Variants in PDE4D observed in about 807,000 individuals in gnomAD.
PDE4D encodes the protein 3',5'-cyclic-AMP phosphodiesterase 4D.
PDE4D carries 24 observed loss-of-function variants against 87.4 expected under a neutral mutation model. The ratio of observed to expected loss-of-function variants is 0.27; its 90% confidence interval spans 0.20 to 0.39. The LOEUF is 0.39. PDE4D is among the 10% of genes least tolerant of loss of function. PDE4D has a pLI of 1.00. For synonymous variants in PDE4D, 384 were observed against 383.2 expected (o/e 1.00, Z -0.02); for missense variants, 714 against 1,041.0 (o/e 0.69, Z 4.32).
At chr5:59,095,470 C>T (rs1769534722) in intron 5 of PDE4D, among the ~76,000 whole-genome samples, 1 of 151,906 alleles carries the variant, frequency 6.6e-6, no homozygotes, top group Non-Finnish European at 1.5e-5. Context: ...ATATTAAATG[C>T]CTAAAGGTTA....
intron 1 of PDE4D, among the ~76,000 whole-genome samples, chr5:60,466,378 A>G (rs1022072011): frequency 1.3e-5 from 2 of 152,166 alleles, no homozygotes; most frequent in Non-Finnish European, 2.9e-5. Context: ...TGATATCACA[A>G]TTGGCATTTC....
chr5:59,891,408 A>G (rs1750933134), intron 1 of PDE4D, among the ~76,000 whole-genome samples: 2 of 152,168 alleles, frequency 1.3e-5, no homozygotes, highest in Non-Finnish European at 2.9e-5. Flanking sequence ...TTTTTCTATT[A>G]ATAGGTCAAA....
chr5:58,999,310 T>C (rs546653730), intron 6 of PDE4D, among the ~76,000 whole-genome samples: 1 of 152,254 alleles, frequency 6.6e-6, no homozygotes, highest in Admixed American at 6.5e-5. Flanking sequence ...ACACTCAAAC[T>C]ACAACTGATG....
chr5:59,944,605 T>C (rs879467034), intron 3 of PDE4D, among the ~76,000 whole-genome samples: 5 of 152,010 alleles, frequency 3.3e-5, no homozygotes, highest in Non-Finnish European at 7.4e-5. Flanking sequence ...TCTCCTGACC[T>C]CATGATCTGC....
chr5:60,349,245 C>T (rs974522234), intron 1 of PDE4D, among the ~76,000 whole-genome samples: 4 of 151,866 alleles, frequency 2.6e-5, no homozygotes, highest in Non-Finnish European at 5.9e-5. Context: ...TGGATATTTT[C>T]GTATTAAATA....
At chr5:59,432,511 C>G (rs1582577300) in intron 1 of PDE4D, among the ~76,000 whole-genome samples, 1 of 151,966 alleles carries the variant, frequency 6.6e-6, no homozygotes, top group Admixed American at 6.6e-5. Flanking sequence ...GAACATTTTT[C>G]CCTTTAATAG....
At chr5:60,058,878 C>A (rs182123466) in intron 2 of PDE4D, among the ~76,000 whole-genome samples, 4 of 151,970 alleles carry the variant, frequency 2.6e-5, no homozygotes, top group African/African-American at 9.6e-5. Flanking sequence ...AATCCCAAAT[C>A]ACAGTTATTC....
At chr5:59,371,415 C>G (rs184049432) in intron 1 of PDE4D, among the ~76,000 whole-genome samples, 35 of 152,250 alleles carry the variant, frequency 2.3e-4, no homozygotes, top group Admixed American at 2.2e-3. Flanking sequence ...GTGAACTTTC[C>G]CCCACTCGAA....
At chr5:59,052,495 T>C (rs183455683) in intron 5 of PDE4D, among the ~76,000 whole-genome samples, 2 of 152,164 alleles carry the variant, frequency 1.3e-5, no homozygotes, top group African/African-American at 2.4e-5. Context: ...CCTAAGAGGA[T>C]AGAATGGAGA....
intron 1 of PDE4D, among the ~76,000 whole-genome samples, chr5:60,219,486 A>G (rs1252266825): frequency 6.6e-6 from 1 of 152,200 alleles, no homozygotes; most frequent in Non-Finnish European, 1.5e-5. Context: ...AAAGTTTTCA[A>G]TACTTGCTCC....
intron 1 of PDE4D, among the ~76,000 whole-genome samples, chr5:60,458,310 C>T (rs113648770): frequency 0.017 from 2,500 of 149,472 alleles, 79 homozygotes; most frequent in African/African-American, 0.058. Context: ...TCACTTGAAC[C>T]CAGGAGGCAG....
chr5:59,166,499 C>T (rs1183131952), intron 5 of PDE4D: 1 of 152,138 alleles, frequency 6.6e-6, no homozygotes, highest in African/African-American at 2.4e-5. Flanking sequence ...GAAATTGCTC[C>T]TTTTCCTTCA....
At chr5:59,918,102 T>C (rs941604928) in intron 3 of PDE4D, among the ~76,000 whole-genome samples, 2 of 152,050 alleles carry the variant, frequency 1.3e-5, no homozygotes, top group Non-Finnish European at 2.9e-5. Context: ...TTATATTTAA[T>C]AATGATAAAA....
chr5:59,977,482 A>C (rs893302609), intron 3 of PDE4D, among the ~76,000 whole-genome samples: 11 of 152,324 alleles, frequency 7.2e-5, no homozygotes, highest in Non-Finnish European at 4.4e-5. Flanking sequence ...TGTTTAAAGA[A>C]AAGAAGCCAT....
chr5:60,249,932 T>A (rs1748237445), intron 1 of PDE4D, among the ~76,000 whole-genome samples: 1 of 152,046 alleles, frequency 6.6e-6, no homozygotes, highest in South Asian at 2.1e-4. Flanking sequence ...TGATGCCATA[T>A]AATGTGGGAG....
At chr5:59,402,819 T>C (rs1330039943) in intron 1 of PDE4D, among the ~76,000 whole-genome samples, 1 of 152,042 alleles carries the variant, frequency 6.6e-6, no homozygotes, top group African/African-American at 2.4e-5. Flanking sequence ...CTTTCTATTA[T>C]GAATGATGAA....
chr5:59,707,897 T>C (rs1302428546), intron 1 of PDE4D, among the ~76,000 whole-genome samples: 1 of 152,204 alleles, frequency 6.6e-6, no homozygotes, highest in Non-Finnish European at 1.5e-5. Context: ...CTTGCTATTG[T>C]GAATAGTGCT....
chr5:59,864,243 A>T (rs1746696466), intron 1 of PDE4D, among the ~76,000 whole-genome samples: 1 of 152,214 alleles, frequency 6.6e-6, no homozygotes, highest in Non-Finnish European at 1.5e-5. Flanking sequence ...GAAACCTTAT[A>T]GAATTAAAAG....
intron 1 of PDE4D, among the ~76,000 whole-genome samples, chr5:59,778,583 A>G (rs999903471): frequency 2.4e-5 from 1 of 42,050 alleles, no homozygotes; most frequent in African/African-American, 1.7e-4. Flanking sequence ...TTATTTAATC[A>G]ATCAGTTATA....
Sources: allele counts gnomAD v4.1 joint callset (sites outside exome capture counted in the v4.1 genomes callset), GRCh38; gene constraint gnomAD v4.1.1; transcripts MANE v1.5; gene names NCBI Gene and HGNC (gene_info 2026-07-23, HGNC 2026-07-21).